The following CLINT1 variants were observed in gnomAD, a reference collection of about 807,000 sequenced individuals.
CLINT1 encodes clathrin interactor 1.
CLINT1 carries 15 observed loss-of-function variants against 70.4 expected under a neutral mutation model. The observed-to-expected ratio is 0.21, with a 90% CI of 0.14 to 0.33. The LOEUF (loss-of-function observed/expected upper bound fraction) is 0.33. Among genes scored for constraint, CLINT1 ranks in the 10% least tolerant of loss-of-function variants. CLINT1 has a pLI of 1.00. For missense variants in CLINT1, 615 were observed against 778.1 expected (o/e 0.79, Z 2.49); for synonymous variants, 227 against 254.7 (o/e 0.89, Z 1.04).
In CLINT1 at chr5:157,786,412, T is replaced by C. The variant is rs1761728419; in HGVS notation, c.*1234A>G. On this transcript the variant is annotated 3_prime_UTR_variant, in exon 12 of 12. Transcript: ENST00000411809. Reference sequence around the variant, plus strand: ...TGGGGAGGTAATAATTTGATATCTATATTATAGTATTTATTTTGAAAAATA... The same window carrying C: ...TGGGGAGGTAATAATTTGATATCTACATTATAGTATTTATTTTGAAAAATA... 1 of 152,560 alleles carries C rather than the reference T, an allele frequency of 6.6e-6. No individual in the cohort carries two copies. Among genetic ancestry groups the C allele is most frequent in the Non-Finnish European group, 1.5e-5 (1 of 68,004 alleles). 9.5% of individuals were successfully genotyped at this position (152,560 alleles called of 1,614,324 possible).
At chr5:157,846,090 A>T (rs191402627) in intron 1 of CLINT1, among the ~76,000 whole-genome samples, 1 of 152,308 alleles carries the variant, frequency 6.6e-6, no homozygotes, top group African/African-American at 2.4e-5. Context: ...CATTAGGTCA[A>T]TTAATAACCC....
intron 1 of CLINT1, among the ~76,000 whole-genome samples, chr5:157,831,311 T>C (rs1323314118): frequency 6.6e-6 from 1 of 151,380 alleles, no homozygotes; most frequent in Non-Finnish European, 1.5e-5. Flanking sequence ...CCTCAGCCTC[T>C]GCGAGTAGCT....
At chr5:157,798,037 G>T (rs1762114350) in intron 8 of CLINT1, among the ~76,000 whole-genome samples, 1 of 152,096 alleles carries the variant, frequency 6.6e-6, no homozygotes, top group African/African-American at 2.4e-5. Flanking sequence ...CTTTTAAAGT[G>T]CCACATATTA....
intron 3 of CLINT1, among the ~76,000 whole-genome samples, chr5:157,814,987 C>T (rs2113210686): frequency 6.7e-6 from 1 of 149,764 alleles, no homozygotes; most frequent in African/African-American, 2.5e-5. Flanking sequence ...GAGCTGAGCC[C>T]GCACCACTGC....
chr5:157,828,913 A>C (rs897282163), intron 1 of CLINT1, among the ~76,000 whole-genome samples: 3 of 144,812 alleles, frequency 2.1e-5, no homozygotes, highest in Non-Finnish European at 4.5e-5. Flanking sequence ...ATATGGTGAA[A>C]CTCTGTCTCT....
At chr5:157,797,736 T>C (rs1026327962) in intron 8 of CLINT1, among the ~76,000 whole-genome samples, 1 of 152,190 alleles carries the variant, frequency 6.6e-6, no homozygotes, top group African/African-American at 2.4e-5. Flanking sequence ...AGAAAATACA[T>C]GTTGAGGATA....
At chr5:157,829,467 T>C (rs1763150560) in intron 1 of CLINT1, among the ~76,000 whole-genome samples, 1 of 152,232 alleles carries the variant, frequency 6.6e-6, no homozygotes, top group Non-Finnish European at 1.5e-5. Flanking sequence ...ACTTTATTCA[T>C]GTAACACTTC....
chr5:157,803,742 G>T, intron 7 of CLINT1, 23 bp from the exon 8 acceptor site: 1 of 1,510,308 alleles, frequency 6.6e-7, no homozygotes, highest in Non-Finnish European at 8.9e-7. Flanking sequence ...ACATAACTCA[G>T]GAGCTTCGAA....
chr5:157,858,376 C>A (rs1445851925), intron 1 of CLINT1, among the ~76,000 whole-genome samples: 1 of 152,152 alleles, frequency 6.6e-6, no homozygotes, highest in Non-Finnish European at 1.5e-5. Flanking sequence ...TCAGGCTGAC[C>A]ACAATAGCCA....
intron 1 of CLINT1, among the ~76,000 whole-genome samples, chr5:157,849,179 A>C (rs1047377111): frequency 2.0e-5 from 3 of 152,236 alleles, no homozygotes; most frequent in African/African-American, 7.2e-5. Flanking sequence ...TCATCTGTGA[A>C]AGGAAGAATC....
At chr5:157,793,204 C>T (rs990084519) in intron 9 of CLINT1, among the ~76,000 whole-genome samples, 2 of 148,918 alleles carry the variant, frequency 1.3e-5, no homozygotes, top group African/African-American at 2.5e-5. Context: ...TACTAATACA[C>T]GTCTTTGATC....
chr5:157,840,513 T>C lies in CLINT1; in HGVS notation c.41+18417A>G, dbSNP rs10214233. ...TTCTCAGGAAATGCACACTGAAGCA[T>C]TGAAGCAAAGGGGGCATGATGTATA... On this transcript the variant is annotated intron_variant, in intron 1 of 11. Transcript: ENST00000411809. Among the ~76,000 whole-genome samples the C allele has an allele frequency of 1.3e-3, 202 of 151,776 alleles. 1 individual carries two copies. Among genetic ancestry groups the C allele is most frequent in the African/African-American group, 4.6e-3 (192 of 41,384 alleles).
At chr5:157,839,304 A>G (rs2113293364) in intron 1 of CLINT1, among the ~76,000 whole-genome samples, 2 of 151,900 alleles carry the variant, frequency 1.3e-5, no homozygotes, top group Middle Eastern at 3.5e-3. Flanking sequence ...CACACTTCCA[A>G]AGAACTTTGT....
intron 2 of CLINT1, 46 bp downstream of exon 2, chr5:157,817,397 G>A (rs1252230640): frequency 2.5e-6 from 3 of 1,180,764 alleles, no homozygotes; most frequent in Non-Finnish European, 3.7e-6. Flanking sequence ...TCTGTGTTAA[G>A]ATGCTTTGAT....
intron 1 of CLINT1, among the ~76,000 whole-genome samples, chr5:157,832,379 C>T (rs1021166434): frequency 3.3e-5 from 5 of 152,030 alleles, no homozygotes; most frequent in African/African-American, 1.2e-4. Context: ...TACTTTTTGT[C>T]CTGAAAAATG....
intron 6 of CLINT1, among the ~76,000 whole-genome samples, chr5:157,808,814 T>C (rs1762460886): frequency 6.6e-6 from 1 of 152,152 alleles, no homozygotes. Flanking sequence ...TAATGAAATG[T>C]CAAGGAAGCA....
chr5:157,845,012 T>C (rs1346747670), intron 1 of CLINT1, among the ~76,000 whole-genome samples: 1 of 152,176 alleles, frequency 6.6e-6, no homozygotes, highest in African/African-American at 2.4e-5. Context: ...TAGGTGCATA[T>C]GTGGAAAACA....
At chr5:157,842,103 T>A (rs560768356) in intron 1 of CLINT1, among the ~76,000 whole-genome samples, 3 of 152,270 alleles carry the variant, frequency 2.0e-5, no homozygotes, top group Admixed American at 6.5e-5. Context: ...GTAAAGGAAA[T>A]TTTACTAGAG....
chr5:157,811,073 T>C lies in CLINT1; in HGVS notation c.518-1268A>G, dbSNP rs76399291. On this transcript the variant is annotated intron_variant, in intron 5 of 11. Transcript: ENST00000411809. Reference sequence around the variant, plus strand: ...TAAAAAAAGTGATTTTCCAACAATGTGTATGTACATTTCAACAACAGTGTG... The same window carrying C: ...TAAAAAAAGTGATTTTCCAACAATGCGTATGTACATTTCAACAACAGTGTG... Among the ~76,000 whole-genome samples, 22 of 152,292 alleles carry C rather than the reference T, an allele frequency of 1.4e-4. No homozygotes were observed. The East Asian group carries it at 3.9e-3, about 27-fold the overall frequency.
Sources: gnomAD v4.1 joint callset for allele counts (sites outside exome capture counted in the v4.1 genomes callset) on GRCh38, gnomAD v4.1.1 for gene constraint, MANE v1.5 for transcripts, NCBI Gene and HGNC (gene_info 2026-07-23, HGNC 2026-07-21) for gene names.